ARHGEF7: variants seen among roughly 807,000 people sequenced by gnomAD.
The protein encoded by ARHGEF7 is PAK-interacting exchange factor beta.
Under a neutral mutation model 109.8 loss-of-function variants are expected in ARHGEF7, and 33 were observed. The observed-to-expected ratio is 0.30, with a 90% confidence interval of 0.23 to 0.40. The LOEUF (loss-of-function observed/expected upper bound fraction) is 0.40. Ranked by LOEUF, ARHGEF7 falls within the 10% of genes least tolerant of loss-of-function variation. ARHGEF7 has a pLI of 1.00. For synonymous variants in ARHGEF7, 458 were observed against 424.6 expected (o/e 1.08, Z -0.97); for missense variants, 938 against 1,098.5 (o/e 0.85, Z 2.07).
At chr13:111,246,118 A>G (rs528669180) in intron 8 of ARHGEF7, among the ~76,000 whole-genome samples, 44 of 152,356 alleles carry the variant, frequency 2.9e-4, no homozygotes, top group Non-Finnish European at 2.9e-4. Context: ...TTTACATCAG[A>G]CATTAAAGGA....
At chr13:111,215,348 T>G (rs1382872067) in intron 4 of ARHGEF7, among the ~76,000 whole-genome samples, 1 of 149,206 alleles carries the variant, frequency 6.7e-6, no homozygotes, top group Non-Finnish European at 1.5e-5. Context: ...GGTATTTGCC[T>G]GTGTGTCTCT....
intron 2 of ARHGEF7, among the ~76,000 whole-genome samples, chr13:111,154,767 A>C (rs1481857473): frequency 2.0e-5 from 3 of 152,244 alleles, no homozygotes; most frequent in African/African-American, 7.2e-5. Flanking sequence ...CTTTAAATAC[A>C]GAAATCTAGC....
At chr13:111,200,526 T>A (rs1389093120) in intron 2 of ARHGEF7, among the ~76,000 whole-genome samples, 1 of 151,962 alleles carries the variant, frequency 6.6e-6, no homozygotes, top group Non-Finnish European at 1.5e-5. Flanking sequence ...CTTTAGAGGT[T>A]AGCTGATTCA....
At position 111,205,002 on chromosome 13, in the gene ARHGEF7, A is replaced by ACCCCGCCCCG. The variant is rs576504962; in HGVS notation, c.253-282_253-273dup. On this transcript the variant is annotated intron_variant, in intron 2 of 21. Coordinates refer to ENST00000646102, the MANE Select transcript of ARHGEF7 (RefSeq NM_001354046.2). ...CTGAATGCCAGCAGCCCACCCCCCC[A>ACCCCGCCCCG]CCCCGCCCCGCCCCCGTGAATGAGC... is the stretch of plus-strand genomic sequence containing the variant. 4.5e-4 allele frequency among the ~76,000 whole-genome samples: 68 copies of ACCCCGCCCCG among 151,496 alleles called. 1 individual carries two copies. Among genetic ancestry groups the ACCCCGCCCCG allele is most frequent in the Admixed American group, 1.6e-3 (25 of 15,236 alleles).
In ARHGEF7 at chr13:111,292,723, G is replaced by C. The variant is rs556147243; in HGVS notation, c.2311+429G>C. 2.5e-5 allele frequency: 26 copies of C among 1,029,976 alleles called. No homozygotes were observed. In the South Asian group the frequency reaches 7.8e-4, roughly 31 times the overall value. The allele number at this position is 1,029,976 out of a possible 1,614,324, so 63.8% of individuals were successfully genotyped here. On this transcript the variant is annotated intron_variant, in intron 19 of 21. Coordinates refer to ENST00000646102, the MANE Select transcript of ARHGEF7 (RefSeq NM_001354046.2). ...TGATCTAAGTGCCAGAACCATGGAG[G>C]AGACTCTGGCCTTATCTGTAGGGAC...
Position 111,228,288 on chromosome 13 carries a change from A to G in ARHGEF7, c.671-4917A>G, listed in dbSNP as rs2085500352. On this transcript the variant is annotated intron_variant, in intron 5 of 21. Transcript: ENST00000646102. The surrounding 1 kb of genome is among the most constrained non-coding windows in gnomAD (Gnocchi z 4.6). The stretch of plus-strand genomic sequence containing the variant: ...TTTTGACACACAGGAAGATCTGAAT[A>G]TAGACTAGGCATTAGATACTATTTA... Among the ~76,000 whole-genome samples, 1 of 152,256 alleles carries G rather than the reference A, an allele frequency of 6.6e-6. No individual in the cohort carries two copies. The highest frequency in any genetic ancestry group is 1.5e-5 in the Non-Finnish European group (1 of 68,044).
chr13:111,283,150 C>G lies in ARHGEF7; in HGVS notation c.1737C>G (p.His579Gln). The G allele has an allele frequency of 6.3e-7, 1 of 1,588,164 alleles. No individual in the cohort carries two copies. Among genetic ancestry groups the G allele is most frequent in the Non-Finnish European group, 8.6e-7 (1 of 1,167,646 alleles). Residue 579 changes from histidine (H) to glutamine (Q), a missense_variant, in exon 16 of 22, where the codon CAC (histidine) becomes CAG (glutamine). Around this residue, in one of 4 missense-constraint regions of ARHGEF7, gnomAD observed 585 missense variants for 723.6 expected, o/e 0.81. Coordinates refer to ENST00000646102, the MANE Select transcript of ARHGEF7 (RefSeq NM_001354046.2). The part of the protein sequence containing the change: ...HSVPSHTLPS[H>Q]PVTPSSKHAD... ...TGTGCCCTTGGCAGCTCCCCTCCCA[C>G]CCGGTCACTCCGTCCAGCAAGCACG...
At position 111,205,189 on chromosome 13, in the gene ARHGEF7, G is replaced by A. The variant is rs1243551342; in HGVS notation, c.253-100G>A. 12 of 875,454 alleles carry A rather than the reference G, an allele frequency of 1.4e-5. No individual in the cohort carries two copies. In the African/African-American group the frequency reaches 1.9e-4, roughly 14 times the overall value. 54.2% of individuals were successfully genotyped at this position (875,454 alleles called of 1,614,324 possible). A position where few individuals can be genotyped will look rare whatever the true frequency, so the allele number is the denominator to read the frequency against. On this transcript the variant is annotated intron_variant, in intron 2 of 21. Transcript: ENST00000646102. ...GTCGCAGGTTGTGCGGTCTCCTTAGGATTTCAGGCTGAGCATCGTCGCGTT... is the reference window on the plus strand; with the variant it reads ...GTCGCAGGTTGTGCGGTCTCCTTAGAATTTCAGGCTGAGCATCGTCGCGTT...
At chr13:111,251,396 A>T (rs535069507) in intron 8 of ARHGEF7, among the ~76,000 whole-genome samples, 83 of 152,280 alleles carry the variant, frequency 5.5e-4, no homozygotes, top group Middle Eastern at 3.4e-3. Context: ...ATTGGATCTT[A>T]GGTGACTGTC....
intron 4 of ARHGEF7, 79 bp downstream of exon 4, chr13:111,210,081 A>T: frequency 6.4e-7 from 1 of 1,570,286 alleles, no homozygotes; most frequent in Non-Finnish European, 8.7e-7. Context: ...GAAGATACGT[A>T]TGCCTCCATT....
At chr13:111,268,034 A>G (rs182036283) in intron 9 of ARHGEF7, among the ~76,000 whole-genome samples, 4 of 152,368 alleles carry the variant, frequency 2.6e-5, no homozygotes, top group East Asian at 1.9e-4. Flanking sequence ...TGTAACAGAA[A>G]GTATCTCATT....
chr13:111,236,533 T>G (rs546527668), intron 6 of ARHGEF7, among the ~76,000 whole-genome samples: 76 of 152,364 alleles, frequency 5.0e-4, no homozygotes, highest in African/African-American at 1.6e-3. Context: ...AGCACTTCTG[T>G]AGTTTATCTT....
At chr13:111,148,094 C>T (rs7998332) in intron 1 of ARHGEF7, among the ~76,000 whole-genome samples, 58,824 of 152,098 alleles carry the variant, frequency 0.39, 11,972 homozygotes, top group East Asian at 0.68. Flanking sequence ...GAGTCTACAT[C>T]TCCGTGGCCA....
intron 8 of ARHGEF7, among the ~76,000 whole-genome samples, chr13:111,251,577 G>A (rs1210031816): frequency 2.6e-5 from 4 of 152,196 alleles, no homozygotes; most frequent in South Asian, 4.1e-4. Context: ...ATTCTTTTCC[G>A]TGTTAAATAA....
chr13:111,282,955 C>A, intron 15 of ARHGEF7, 184 bp from the exon 16 acceptor site: 2 of 840,438 alleles, frequency 2.4e-6, no homozygotes, highest in Non-Finnish European at 3.6e-6. Flanking sequence ...CCAGGTGGCG[C>A]GAGCTAGTGT....
At chr13:111,236,312 C>G (rs915567428) in intron 6 of ARHGEF7, among the ~76,000 whole-genome samples, 7 of 152,224 alleles carry the variant, frequency 4.6e-5, no homozygotes, top group African/African-American at 1.7e-4. Flanking sequence ...CCTAAGTCCA[C>G]TATCTGTGCC....
chr13:111,238,166 T>C (rs71445082), intron 6 of ARHGEF7, among the ~76,000 whole-genome samples: 18,556 of 152,288 alleles, frequency 0.12, 1,460 homozygotes, highest in Non-Finnish European at 0.18. Flanking sequence ...TTAGCTGTGC[T>C]TAGGGTGCCC....
intron 5 of ARHGEF7, 62 bp downstream of exon 5, chr13:111,217,942 C>G (rs541604698): frequency 5.4e-6 from 8 of 1,471,404 alleles, no homozygotes; most frequent in Middle Eastern, 2.2e-4. Context: ...AGTAAATGTA[C>G]TTGACATAGT....
At chr13:111,148,190 C>A (rs1029953131) in intron 1 of ARHGEF7, among the ~76,000 whole-genome samples, 1 of 152,210 alleles carries the variant, frequency 6.6e-6, no homozygotes, top group Non-Finnish European at 1.5e-5. Context: ...GGAGTCTAAG[C>A]CCAATATTGC....
Sources: gnomAD v4.1 joint callset for allele counts (sites outside exome capture counted in the v4.1 genomes callset) on GRCh38, gnomAD v4.1.1 for gene constraint, gnomAD v4.1.1 regional missense constraint, Gnocchi (gnomAD v3.1) non-coding constraint, MANE v1.5 for transcripts, NCBI Gene and HGNC (gene_info 2026-07-23, HGNC 2026-07-21) for gene names.